SORBS2: variants seen among roughly 807,000 people sequenced by gnomAD.
SORBS2 encodes the protein sorbin and SH3 domain-containing protein 2.
In SORBS2, 46 loss-of-function variants were observed where a neutral mutation model predicts 97.7. The observed-to-expected ratio is 0.47, with a 90% CI of 0.37 to 0.60. The LOEUF is 0.60. Ranked by LOEUF, SORBS2 falls within the 20% of genes least tolerant of loss-of-function variation. SORBS2 has a pLI of 0.00. For synonymous variants in SORBS2, 476 were observed against 473.4 expected (o/e 1.01, Z -0.07); for missense variants, 1,316 against 1,282.3 (o/e 1.03, Z -0.40).
At chr4:185,836,027 TA>T (rs561763256) in intron 1 of SORBS2, among the ~76,000 whole-genome samples, 364 of 152,132 alleles carry the variant, frequency 2.4e-3, no homozygotes, top group African/African-American at 8.0e-3. Context: ...ATTCACTTAA[TA>T]AATATTATTA....
chr4:185,588,157 T>C (rs556307983), intron 14 of SORBS2: 3 of 157,456 alleles, frequency 1.9e-5, no homozygotes, highest in African/African-American at 7.2e-5. Flanking sequence ...GCTGTCGCTG[T>C]TCCAACAGTT....
rs188833435 is a variant in SORBS2 at position 185,588,653 on chromosome 4, C to T, written c.2954-965G>A. Among the ~76,000 whole-genome samples the T allele has an allele frequency of 2.3e-3, 271 of 117,356 alleles. 2 individuals carry two copies. The highest frequency in any genetic ancestry group is 7.5e-3 in the African/African-American group (258 of 34,500). The allele number at this position is 117,356 out of a possible 152,430, so 77.0% of individuals were successfully genotyped here. ...TTTTGAGATGGAGTTTCGCTCTTGT[C>T]GCCCAGGCTGGAGTGCAGTGGCATG... On this transcript the variant is annotated intron_variant, in intron 14 of 14. Coordinates refer to ENST00000418609, the Ensembl canonical transcript of SORBS2.
intron 1 of SORBS2, among the ~76,000 whole-genome samples, chr4:185,855,231 G>C (rs547755186): frequency 3.9e-5 from 6 of 152,214 alleles, no homozygotes; most frequent in Admixed American, 2.6e-4. Context: ...CCCTCTGAAG[G>C]CGTCAGGTTT....
intron 1 of SORBS2, among the ~76,000 whole-genome samples, chr4:185,789,668 T>C (rs554079862): frequency 8.9e-4 from 135 of 152,138 alleles, no homozygotes; most frequent in African/African-American, 3.2e-3. Context: ...AATGGATACA[T>C]TGGTGTCCTC....
At chr4:185,829,302 A>G (rs2099203810) in intron 1 of SORBS2, among the ~76,000 whole-genome samples, 1 of 152,204 alleles carries the variant, frequency 6.6e-6, no homozygotes, top group South Asian at 2.1e-4. Context: ...TTTAAGCCAT[A>G]TCTTCCCTAT....
intron 1 of SORBS2, among the ~76,000 whole-genome samples, chr4:185,852,889 T>C (rs1194205554): frequency 6.6e-6 from 1 of 152,154 alleles, no homozygotes; most frequent in East Asian, 1.9e-4. Context: ...AAATCACCAC[T>C]TGAGGATGCT....
intron 1 of SORBS2, among the ~76,000 whole-genome samples, chr4:185,911,250 C>T (rs1397057617): frequency 2.0e-5 from 3 of 152,104 alleles, no homozygotes; most frequent in African/African-American, 7.2e-5. Flanking sequence ...CTTTTCGAGA[C>T]AGAGTCTCGC....
rs1022787441 is a variant in SORBS2, at chr4:185,587,527, A to G, written c.*100T>C. The G allele has an allele frequency of 3.0e-6, 3 of 996,312 alleles. No individual in the cohort carries two copies. In the African/African-American group the frequency reaches 4.7e-5, roughly 16 times the overall value. 61.7% of individuals were successfully genotyped at this position (996,312 alleles called of 1,614,324 possible). A position where few individuals can be genotyped will look rare whatever the true frequency, so the allele number is the denominator to read the frequency against. ...GTGGAGATGGTGACGGCGCATTGGAAACCGTAAGGCATGACAACGGGAGGC... is the reference window on the plus strand; with the variant it reads ...GTGGAGATGGTGACGGCGCATTGGAGACCGTAAGGCATGACAACGGGAGGC... On this transcript the variant is annotated 3_prime_UTR_variant, in exon 15 of 15. Transcript: ENST00000418609.
chr4:185,660,791 A>G (rs1055613205), upstream of SORBS2, among the ~76,000 whole-genome samples: 1 of 152,186 alleles, frequency 6.6e-6, no homozygotes, highest in African/African-American at 2.4e-5. Context: ...CCAGAGGACC[A>G]GGCCTCTCCT....
At chr4:185,670,511 A>T (rs989396318) in intron 4 of SORBS2, among the ~76,000 whole-genome samples, 1 of 152,068 alleles carries the variant, frequency 6.6e-6, no homozygotes, top group African/African-American at 2.4e-5. Context: ...GAACATAAGG[A>T]ATATATATTA....
rs5864964 is a variant in SORBS2, at chr4:185,835,652, ATTTT to A, written c.-337-60290_-337-60287del. ...TTGTATTTTTGCCAATTTTGAAAGG[ATTTT>A]TTTTTTTTTTTTTTTTTGCACCAGC... On this transcript the variant is annotated intron_variant, in intron 1 of 20. Coordinates refer to the SORBS2 transcript ENST00000284776. 5.0e-3 allele frequency among the ~76,000 whole-genome samples: 609 copies of A among 122,210 alleles called. 5 individuals carry two copies. The highest frequency in any genetic ancestry group is 0.016 in the African/African-American group (533 of 33,520). 80.2% of individuals were successfully genotyped at this position (122,210 alleles called of 152,430 possible). A position where few individuals can be genotyped will look rare whatever the true frequency, so the allele number is the denominator to read the frequency against.
intron 6 of SORBS2, among the ~76,000 whole-genome samples, 168 bp downstream of exon 18, chr4:185,626,664 T>C (rs1339455405): frequency 6.6e-6 from 1 of 152,224 alleles, no homozygotes; most frequent in Non-Finnish European, 1.5e-5. Context: ...GCTCGCCAGC[T>C]TGAGTCAGTC....
At position 185,607,831 on chromosome 4, in the gene SORBS2, A is replaced by T. The variant is rs2096459580; in HGVS notation, c.2796+3949T>A. Among the ~76,000 whole-genome samples the T allele has an allele frequency of 6.6e-6, 1 of 151,892 alleles. No individual in the cohort carries two copies. The highest frequency in any genetic ancestry group is 2.4e-5 in the African/African-American group (1 of 41,334). On this transcript the variant is annotated intron_variant, in intron 12 of 14. Transcript: ENST00000418609. This position sits in a 1 kb window ranked among gnomAD's most constrained non-coding sequence, Gnocchi z 5.2. ...TGCTTCATCCTCCCGAGTAGCTGGG[A>T]CTACAGGCGCATGTCACCAGTACAG...
intron 1 of SORBS2, among the ~76,000 whole-genome samples, chr4:185,806,604 C>G (rs927193131): frequency 2.0e-5 from 3 of 150,998 alleles, no homozygotes; most frequent in African/African-American, 2.4e-5. Context: ...ACTACAGGCG[C>G]CCGCCACTAC....
At position 185,593,889 on chromosome 4, in the gene SORBS2, TC is replaced by T. The variant is rs772549791; in HGVS notation, c.2842del (p.Glu948AsnfsTer65). ...AGAAGATAAGAAGAATACTTACGGT[TC>T]CCCCCCACCTTGAATATTTTCATGA... is the stretch of plus-strand genomic sequence containing the variant. On this transcript the variant is annotated frameshift_variant, in exon 13 of 15. Transcript: ENST00000418609. LOFTEE classifies it high-confidence loss of function. 5.6e-6 allele frequency: 9 copies of T among 1,598,214 alleles called. No homozygotes were observed. The highest frequency in any genetic ancestry group is 1.3e-5 in the African/African-American group (1 of 74,704).
chr4:185,846,771 T>TC (rs1006875827), intron 1 of SORBS2, among the ~76,000 whole-genome samples: 12 of 152,262 alleles, frequency 7.9e-5, no homozygotes, highest in African/African-American at 2.4e-4. Context: ...GTTATTTCTT[T>TC]CCCCCTAGGC....
At chr4:185,792,322 C>G (rs376517553) in intron 1 of SORBS2, among the ~76,000 whole-genome samples, 1 of 152,070 alleles carries the variant, frequency 6.6e-6, no homozygotes, top group African/African-American at 2.4e-5. Context: ...GGTGAAACCC[C>G]GTCTCTACTA....
chr4:185,951,651 G>T (rs954905397), intron 1 of SORBS2, among the ~76,000 whole-genome samples: 1 of 152,208 alleles, frequency 6.6e-6, no homozygotes, highest in Non-Finnish European at 1.5e-5. Flanking sequence ...GTACCATAAG[G>T]TGCCAGGATC....
intron 1 of SORBS2, among the ~76,000 whole-genome samples, chr4:185,791,568 T>C (rs1466369211): frequency 3.4e-4 from 52 of 152,130 alleles, no homozygotes; most frequent in Non-Finnish European, 8.8e-5. Flanking sequence ...ACCTCTTGAC[T>C]TGTTTTTTAT....
Sources: gnomAD v4.1 joint callset for allele counts (sites outside exome capture counted in the v4.1 genomes callset) on GRCh38, gnomAD v4.1.1 for gene constraint, Gnocchi (gnomAD v3.1) non-coding constraint, MANE v1.5 for transcripts, NCBI Gene and HGNC (gene_info 2026-07-23, HGNC 2026-07-21) for gene names.